The following DPYD variants were observed in gnomAD, a reference collection of about 807,000 sequenced individuals.
DPYD encodes dihydropyrimidine dehydrogenase.
In DPYD, 109 loss-of-function variants were observed where a neutral mutation model predicts 116.2. That is an observed-to-expected ratio of 0.94 (90% CI 0.80 to 1.10). The LOEUF (loss-of-function observed/expected upper bound fraction) is 1.10. Among genes scored for constraint, DPYD ranks in the 50% least tolerant of loss-of-function variants. The probability of loss-of-function intolerance (pLI) is 0.00; values close to 1 mark genes in which losing one functional copy is unlikely to be tolerated. For missense variants in DPYD, 1,302 were observed against 1,254.5 expected, an observed-to-expected ratio of 1.04 and a Z score of -0.57; for synonymous variants, 440 against 432.0, an observed-to-expected ratio of 1.02 and a Z score of -0.23.
At chr1:97,519,385 C>T (rs149631516) in intron 12 of DPYD, among the ~76,000 whole-genome samples, 4 of 152,240 alleles carry the variant, frequency 2.6e-5, no homozygotes, top group Non-Finnish European at 5.9e-5. Context: ...ATCAGGAGAA[C>T]AGCACAGGAA....
At chr1:97,601,020 C>G (rs1467105560) in intron 8 of DPYD, among the ~76,000 whole-genome samples, 1 of 152,120 alleles carries the variant, frequency 6.6e-6, no homozygotes, top group Non-Finnish European at 1.5e-5. Flanking sequence ...ATAAAGTCCA[C>G]TCCTGCTCAA....
In DPYD at chr1:97,313,497, C is replaced by CTGTGTGTGTG. The variant is rs58100703; in HGVS notation, c.2059-7210_2059-7201dup. Among the ~76,000 whole-genome samples, 1,269 of 148,718 alleles carry CTGTGTGTGTG rather than the reference C, an allele frequency of 8.5e-3. 10 individuals are homozygous for CTGTGTGTGTG. Among genetic ancestry groups the CTGTGTGTGTG allele is most frequent in the Non-Finnish European group, 0.013 (894 of 66,882 alleles). On this transcript the variant is annotated intron_variant, in intron 16 of 22. Coordinates refer to ENST00000370192, the MANE Select transcript of DPYD (RefSeq NM_000110.4). ...ATACCTGGAATGTGTACATGTGTGC[C>CTGTGTGTGTG]TGTGTGTGTGTGTGTGTGTGTGTGT... is the stretch of plus-strand genomic sequence containing the variant.
chr1:97,682,893 GT>G (rs1413005647), intron 7 of DPYD, among the ~76,000 whole-genome samples: 2 of 152,072 alleles, frequency 1.3e-5, no homozygotes, highest in Non-Finnish European at 2.9e-5. Context: ...CAGTGTAATA[GT>G]CACTACTTTA....
intron 20 of DPYD, among the ~76,000 whole-genome samples, chr1:97,109,269 T>C (rs1051034577): frequency 6.6e-6 from 1 of 152,094 alleles, no homozygotes; most frequent in African/African-American, 2.4e-5. Context: ...TGTAAAGATG[T>C]GAGTGCTCTG....
intron 19 of DPYD, among the ~76,000 whole-genome samples, chr1:97,228,947 C>T (rs1004284781): frequency 6.6e-6 from 1 of 151,932 alleles, no homozygotes; most frequent in Admixed American, 6.6e-5. Context: ...TCTGTAATCC[C>T]AGCACTTTGG....
At chr1:97,889,014 A>T (rs1327615938) in intron 1 of DPYD, among the ~76,000 whole-genome samples, 2 of 151,810 alleles carry the variant, frequency 1.3e-5, no homozygotes, top group African/African-American at 4.8e-5. Context: ...AAAATTAGCC[A>T]GGCATGGTCG....
At chr1:97,687,851 T>C (rs1660815628) in intron 7 of DPYD, among the ~76,000 whole-genome samples, 1 of 152,152 alleles carries the variant, frequency 6.6e-6, no homozygotes, top group African/African-American at 2.4e-5. Flanking sequence ...TGGAAGCCAT[T>C]ATCCTCAGAA....
At chr1:97,268,768 C>T (rs930450401) in intron 18 of DPYD, among the ~76,000 whole-genome samples, 7 of 152,156 alleles carry the variant, frequency 4.6e-5, no homozygotes, top group African/African-American at 1.7e-4. Flanking sequence ...TCCTACCTAA[C>T]TTGCCTTGAA....
At chr1:97,611,773 C>G (rs1332678134) in intron 8 of DPYD, among the ~76,000 whole-genome samples, 3 of 151,892 alleles carry the variant, frequency 2.0e-5, no homozygotes, top group African/African-American at 7.3e-5. Flanking sequence ...GAATAAGATC[C>G]TTAATAGCAC....
At chr1:97,585,016 T>C (rs936884560) in intron 10 of DPYD, among the ~76,000 whole-genome samples, 11 of 151,282 alleles carry the variant, frequency 7.3e-5, no homozygotes, top group Non-Finnish European at 1.2e-4. Flanking sequence ...TCAGAAATAA[T>C]TTTGAGTTGT....
chr1:97,682,596 A>C (rs1248240086), intron 7 of DPYD, among the ~76,000 whole-genome samples: 1 of 152,174 alleles, frequency 6.6e-6, no homozygotes, highest in Non-Finnish European at 1.5e-5. Flanking sequence ...ATGTGTGTTA[A>C]CTAAAACTGG....
At chr1:97,839,469 CT>C (rs1232809359) in intron 2 of DPYD, among the ~76,000 whole-genome samples, 7 of 151,982 alleles carry the variant, frequency 4.6e-5, no homozygotes, top group Non-Finnish European at 1.0e-4. Context: ...GTGGGGTCTA[CT>C]TACTTAAAAA....
At chr1:97,305,197 T>C (rs1667084148) in intron 18 of DPYD, 62 bp downstream of exon 18, 3 of 1,609,694 alleles carry the variant, frequency 1.9e-6, no homozygotes, top group African/African-American at 2.7e-5. Flanking sequence ...TCTTGCAACA[T>C]GACCTTCTGA....
intron 14 of DPYD, among the ~76,000 whole-genome samples, chr1:97,398,659 C>T (rs1336202114): frequency 6.6e-6 from 1 of 152,122 alleles, no homozygotes; most frequent in Non-Finnish European, 1.5e-5. Flanking sequence ...GAGATGGTAT[C>T]TCATTGTGGT....
chr1:97,531,681 A>G (rs1370993307), intron 12 of DPYD, among the ~76,000 whole-genome samples: 1 of 152,174 alleles, frequency 6.6e-6, no homozygotes, highest in Admixed American at 6.5e-5. Flanking sequence ...TGGAATTTTG[A>G]TAAGGATTTC....
At chr1:97,674,481 C>A (rs1384686975) in intron 8 of DPYD, among the ~76,000 whole-genome samples, 1 of 152,062 alleles carries the variant, frequency 6.6e-6, no homozygotes, top group Non-Finnish European at 1.5e-5. Flanking sequence ...CTTGTTTAAC[C>A]TTTTTGGCAC....
chr1:97,882,587 A>C (rs1156233489), intron 2 of DPYD, among the ~76,000 whole-genome samples: 1 of 152,076 alleles, frequency 6.6e-6, no homozygotes, highest in African/African-American at 2.4e-5. Flanking sequence ...CAAAATTTAA[A>C]AACGTATATA....
At chr1:97,586,925 T>C (rs1345216010) in intron 10 of DPYD, among the ~76,000 whole-genome samples, 1 of 152,158 alleles carries the variant, frequency 6.6e-6, no homozygotes, top group Middle Eastern at 3.2e-3. Context: ...AAATAGAGCC[T>C]TCCTGTCCAG....
chr1:97,694,096 G>A (rs1480408599), intron 6 of DPYD, among the ~76,000 whole-genome samples: 1 of 152,160 alleles, frequency 6.6e-6, no homozygotes, highest in Non-Finnish European at 1.5e-5. Context: ...CTGGAGTTCA[G>A]CAACTCTGCT....
Sources: allele counts gnomAD v4.1 joint callset (sites outside exome capture counted in the v4.1 genomes callset), GRCh38; gene constraint gnomAD v4.1.1; transcripts MANE v1.5; gene names NCBI Gene and HGNC (gene_info 2026-07-23, HGNC 2026-07-21).